Variants in CDH10 observed in about 807,000 individuals in gnomAD.
The protein encoded by CDH10 is cadherin-10.
A neutral mutation model predicts 73.1 loss-of-function variants in CDH10; 30 were observed. That is an observed-to-expected ratio of 0.41 (90% CI 0.31 to 0.56). The LOEUF (loss-of-function observed/expected upper bound fraction) is 0.56. Ranked by LOEUF, CDH10 falls within the 20% of genes least tolerant of loss-of-function variation. The pLI is 0.27. For missense variants in CDH10, 815 were observed against 973.7 expected, an observed-to-expected ratio of 0.84 and a Z score of 2.17; for synonymous variants, 345 against 348.2, an observed-to-expected ratio of 0.99 and a Z score of 0.10.
At chr5:24,643,171 G>C (rs1421219326) in intron 1 of CDH10, among the ~76,000 whole-genome samples, 2 of 152,032 alleles carry the variant, frequency 1.3e-5, no homozygotes, top group Non-Finnish European at 2.9e-5. Flanking sequence ...GCCACATTTA[G>C]TACACTCGGG....
intron 1 of CDH10, among the ~76,000 whole-genome samples, chr5:24,635,225 T>C (rs1339025580): frequency 2.6e-5 from 4 of 152,060 alleles, no homozygotes; most frequent in African/African-American, 7.2e-5. Flanking sequence ...TTGAGATTTA[T>C]AGGTATCAAA....
intron 2 of CDH10, among the ~76,000 whole-genome samples, chr5:24,543,981 C>A (rs944629587): frequency 2.6e-5 from 4 of 152,088 alleles, no homozygotes; most frequent in African/African-American, 9.7e-5. Flanking sequence ...TTTCATGAAT[C>A]TCGATAAAAC....
intron 1 of CDH10, among the ~76,000 whole-genome samples, chr5:24,623,841 A>C (rs1196263373): frequency 1.3e-5 from 2 of 152,168 alleles, no homozygotes; most frequent in Non-Finnish European, 2.9e-5. Context: ...TTTTTTTCAC[A>C]TAACTGTCAA....
At chr5:24,579,687 T>G (rs75715459) in intron 2 of CDH10, among the ~76,000 whole-genome samples, 1,569 of 152,194 alleles carry the variant, frequency 0.01, 35 homozygotes, top group African/African-American at 0.036. Context: ...CTCCTTACAT[T>G]TTCTTTGTCT....
At chr5:24,558,274 T>C (rs983419965) in intron 2 of CDH10, among the ~76,000 whole-genome samples, 4 of 151,676 alleles carry the variant, frequency 2.6e-5, no homozygotes, top group African/African-American at 9.7e-5. Flanking sequence ...AATATTTTGT[T>C]ATATAGAAAT....
chr5:24,567,477 A>T (rs1406421353), intron 2 of CDH10, among the ~76,000 whole-genome samples: 2 of 151,992 alleles, frequency 1.3e-5, no homozygotes, highest in African/African-American at 2.4e-5. Flanking sequence ...ACAGGAATGA[A>T]CCACTGATTA....
chr5:24,635,597 C>T (rs1302178699), intron 1 of CDH10, among the ~76,000 whole-genome samples: 1 of 151,552 alleles, frequency 6.6e-6, no homozygotes, highest in Non-Finnish European at 1.5e-5. Flanking sequence ...TTCCTCCTCT[C>T]GAGTCTTTCC....
chr5:24,542,541 G>T (rs921582316), intron 2 of CDH10, among the ~76,000 whole-genome samples: 1 of 152,158 alleles, frequency 6.6e-6, no homozygotes, highest in African/African-American at 2.4e-5. Flanking sequence ...TAGGTATGTA[G>T]AAGGTTATAC....
At position 24,487,578 on chromosome 5, in the gene CDH10, A is replaced by T. The variant is rs2111595885; in HGVS notation, c.*85T>A. ...AAAAATTGTGCTGACTGGCAGGAAA[A>T]TGCTCCTGAATATCAAATATTGTGA... On this transcript the variant is annotated 3_prime_UTR_variant, in exon 12 of 12. Transcript: ENST00000264463. 1 of 1,362,086 alleles carries T rather than the reference A, an allele frequency of 7.3e-7. No individual in the cohort carries two copies. Among genetic ancestry groups the T allele is most frequent in the Non-Finnish European group, 1.0e-6 (1 of 995,928 alleles). The allele number at this position is 1,362,086 out of a possible 1,614,324, so 84.4% of individuals were successfully genotyped here. A position where few individuals can be genotyped will look rare whatever the true frequency, so the allele number is the denominator to read the frequency against.
At chr5:24,505,788 A>G (rs1296872285) in intron 7 of CDH10, among the ~76,000 whole-genome samples, 1 of 152,184 alleles carries the variant, frequency 6.6e-6, no homozygotes, top group African/African-American at 2.4e-5. Flanking sequence ...ATTATTACAC[A>G]TATTGCTTTT....
At chr5:24,585,961 A>G (rs1199729248) in intron 2 of CDH10, among the ~76,000 whole-genome samples, 1 of 152,200 alleles carries the variant, frequency 6.6e-6, no homozygotes, top group East Asian at 1.9e-4. Flanking sequence ...AAATAGCGAC[A>G]GAGGAGTGTC....
chr5:24,498,943 C>T (rs1478217890), intron 8 of CDH10, among the ~76,000 whole-genome samples: 1 of 151,740 alleles, frequency 6.6e-6, no homozygotes, highest in Non-Finnish European at 1.5e-5. Flanking sequence ...TTTTTTTGAG[C>T]AGCAGCAAGA....
chr5:24,583,619 T>C (rs536055389), intron 2 of CDH10, among the ~76,000 whole-genome samples: 19 of 152,184 alleles, frequency 1.2e-4, no homozygotes, highest in Non-Finnish European at 4.4e-5. Flanking sequence ...TGGTAATATA[T>C]ATTAATAAAT....
At chr5:24,564,808 G>A (rs1213064112) in intron 2 of CDH10, among the ~76,000 whole-genome samples, 2 of 152,172 alleles carry the variant, frequency 1.3e-5, no homozygotes, top group South Asian at 2.1e-4. Flanking sequence ...AATCTCCCAT[G>A]TCTTCCACCT....
At chr5:24,637,810 C>A (rs761237278) in intron 1 of CDH10, among the ~76,000 whole-genome samples, 3 of 151,764 alleles carry the variant, frequency 2.0e-5, no homozygotes, top group Non-Finnish European at 2.9e-5. Flanking sequence ...CCCCTAAGTA[C>A]TATCAAAAAT....
chr5:24,551,392 T>C (rs1411872468), intron 2 of CDH10, among the ~76,000 whole-genome samples: 1 of 152,216 alleles, frequency 6.6e-6, no homozygotes, highest in African/African-American at 2.4e-5. Context: ...TTACTACAAA[T>C]ATCTTCTTCA....
At chr5:24,546,181 T>TGTG (rs1744331670) in intron 2 of CDH10, among the ~76,000 whole-genome samples, 3 of 149,604 alleles carry the variant, frequency 2.0e-5, no homozygotes, top group African/African-American at 7.3e-5. Context: ...TTGAAAAAAC[T>TGTG]TGTGTGTGTG....
At chr5:24,591,710 A>G (rs753537935) in intron 2 of CDH10, among the ~76,000 whole-genome samples, 29 of 151,788 alleles carry the variant, frequency 1.9e-4, no homozygotes, top group Non-Finnish European at 4.4e-5. Context: ...AGAGCTTAAT[A>G]CTCTCTTACT....
chr5:24,630,869 T>G (rs1334689142), intron 1 of CDH10, among the ~76,000 whole-genome samples: 4 of 151,824 alleles, frequency 2.6e-5, no homozygotes. Flanking sequence ...CATTTGTAAT[T>G]GCAAAAAAAA....
Sources: gnomAD v4.1 joint callset for allele counts (sites outside exome capture counted in the v4.1 genomes callset) on GRCh38, gnomAD v4.1.1 for gene constraint, MANE v1.5 for transcripts, NCBI Gene and HGNC (gene_info 2026-07-23, HGNC 2026-07-21) for gene names.